Variants in DPYSL3 observed in about 807,000 individuals in gnomAD.
DPYSL3 encodes the protein dihydropyrimidinase like 3, also known as dihydropyrimidinase-related protein 3.
Under a neutral mutation model 66.1 loss-of-function variants are expected in DPYSL3, and 16 were observed. The observed-to-expected ratio is 0.24, with a 90% CI of 0.16 to 0.37. DPYSL3 has a LOEUF of 0.37. DPYSL3 is among the 10% of genes least tolerant of loss of function. DPYSL3 has a pLI of 1.00. For synonymous variants in DPYSL3, 338 were observed against 345.1 expected, an observed-to-expected ratio of 0.98 and a Z score of 0.23; for missense variants, 738 against 916.2, an observed-to-expected ratio of 0.81 and a Z score of 2.51.
chr5:147,413,777 C>A, intron 4 of DPYSL3, 120 bp from the exon 5 acceptor site: 1 of 754,416 alleles, frequency 1.3e-6, no homozygotes, highest in South Asian at 1.6e-5. Flanking sequence ...GGCTCCTGTC[C>A]AACATAAAGC....
intron 1 of DPYSL3, among the ~76,000 whole-genome samples, chr5:147,508,258 G>T: frequency 6.6e-6 from 1 of 152,158 alleles, no homozygotes. Flanking sequence ...GTAGTCAAAG[G>T]TTGGTTGGTT....
At chr5:147,502,701 C>T (rs1231192106) in intron 1 of DPYSL3, among the ~76,000 whole-genome samples, 1 of 151,586 alleles carries the variant, frequency 6.6e-6, no homozygotes, top group African/African-American at 2.4e-5. Context: ...CTCAGCCTCC[C>T]GAGTAGCTGG....
chr5:147,505,348 C>T (rs779277230), intron 1 of DPYSL3, among the ~76,000 whole-genome samples: 7 of 152,070 alleles, frequency 4.6e-5, no homozygotes, highest in Non-Finnish European at 8.8e-5. Context: ...GATTCTCCTG[C>T]CTCAGCCTCC....
intron 10 of DPYSL3, among the ~76,000 whole-genome samples, chr5:147,399,734 T>C (rs1464450793): frequency 6.6e-6 from 1 of 152,260 alleles, no homozygotes. Flanking sequence ...TGTGCTTGTC[T>C]GTAGTTTCCA....
chr5:147,473,239 T>C (rs1048381896), intron 1 of DPYSL3: 14 of 152,326 alleles, frequency 9.2e-5, no homozygotes, highest in African/African-American at 3.4e-4. Flanking sequence ...ATTTTGTCTC[T>C]GTATTTATCC....
At chr5:147,411,701 C>G (rs1297350159) in intron 6 of DPYSL3, among the ~76,000 whole-genome samples, 4 of 152,166 alleles carry the variant, frequency 2.6e-5, no homozygotes, top group African/African-American at 9.7e-5. Context: ...GAGGGGAGGC[C>G]TAGACATTGT....
Position 147,510,034 on chromosome 5 carries a change from A to G in DPYSL3, c.-176T>C. 1 of 1,098,732 alleles carries G rather than the reference A, an allele frequency of 9.1e-7. No homozygotes were observed. The highest frequency in any genetic ancestry group is 1.7e-5 in the South Asian group (1 of 57,278). The allele number at this position is 1,098,732 out of a possible 1,614,324, so 68.1% of individuals were successfully genotyped here. ...TGTCCCTAGCGAGCCAGCGAGCCAC[A>G]CAGCCAGCTAGCGCGCGGAGCAGGG... On this transcript the variant is annotated 5_prime_UTR_variant, in exon 1 of 14. Transcript: ENST00000343218.
chr5:147,486,770 T>C (rs1354662053), intron 1 of DPYSL3, among the ~76,000 whole-genome samples: 2 of 152,236 alleles, frequency 1.3e-5, no homozygotes, highest in African/African-American at 2.4e-5. Flanking sequence ...CCACTGACTA[T>C]CAGTGAATAC....
intron 1 of DPYSL3, among the ~76,000 whole-genome samples, chr5:147,434,802 A>G (rs934912746): frequency 6.6e-6 from 1 of 152,192 alleles, no homozygotes; most frequent in Non-Finnish European, 1.5e-5. Context: ...AGTGGCTCAG[A>G]GCAGTGAAAC....
chr5:147,448,232 G>A (rs1236981428), intron 1 of DPYSL3, among the ~76,000 whole-genome samples: 6 of 152,148 alleles, frequency 3.9e-5, no homozygotes, highest in East Asian at 1.9e-4. Context: ...AGGCTAGAAG[G>A]TGATCAGGAC....
intron 4 of DPYSL3, among the ~76,000 whole-genome samples, chr5:147,415,034 A>G (rs1159072018): frequency 1.3e-5 from 2 of 151,596 alleles, no homozygotes; most frequent in South Asian, 4.2e-4. Context: ...TGTGGGGGGG[A>G]GGGGTTTGCA....
intron 1 of DPYSL3, among the ~76,000 whole-genome samples, chr5:147,461,739 G>A (rs914910106): frequency 6.6e-6 from 1 of 152,128 alleles, no homozygotes; most frequent in Non-Finnish European, 1.5e-5. Flanking sequence ...GTACTGAGTG[G>A]ACTCTTGGTC....
chr5:147,415,968 AATCTCT>A, intron 3 of DPYSL3, 95 bp from the exon 4 acceptor site: 1 of 1,364,888 alleles, frequency 7.3e-7, no homozygotes, highest in Non-Finnish European at 1.0e-6. Flanking sequence ...GTGACTGCAG[AATCTCT>A]ATTTCCTGAG....
Position 147,468,269 on chromosome 5 carries a change from C to T in DPYSL3, c.381+41209G>A, listed in dbSNP as rs1344164455. On this transcript the variant is annotated intron_variant, in intron 1 of 13. Transcript: ENST00000343218. ...AATTAAAATTAAAGTTAAAAGCAGG[C>T]ACTACTTTCTTTTTCCAAGCAGGAG... 3.9e-5 allele frequency among the ~76,000 whole-genome samples: 6 copies of T among 152,120 alleles called. No individual in the cohort carries two copies. In the East Asian group the frequency reaches 1.2e-3, roughly 29 times the overall value.
chr5:147,438,124 A>G (rs1412259057), intron 1 of DPYSL3, among the ~76,000 whole-genome samples: 3 of 152,178 alleles, frequency 2.0e-5, no homozygotes, highest in Non-Finnish European at 2.9e-5. Context: ...CTTCTTGACA[A>G]AGCAGACAAT....
intron 2 of DPYSL3, 22 bp downstream of exon 2, chr5:147,424,853 G>T: frequency 6.4e-7 from 1 of 1,550,836 alleles, no homozygotes; most frequent in South Asian, 1.2e-5. Context: ...AAACAATAAA[G>T]AGAAGAATTC....
At chr5:147,453,746 C>T (rs1752791285) in intron 1 of DPYSL3, 25 of 1,318,066 alleles carry the variant, frequency 1.9e-5, no homozygotes, top group Admixed American at 3.9e-5. Context: ...TCCCGGGCTC[C>T]CGCGGCGGCT....
intron 1 of DPYSL3, among the ~76,000 whole-genome samples, chr5:147,435,749 G>A (rs1380968667): frequency 6.6e-6 from 1 of 152,278 alleles, no homozygotes; most frequent in South Asian, 2.1e-4. Context: ...AATAAGAAAA[G>A]ACCTTTAGCA....
intron 1 of DPYSL3, among the ~76,000 whole-genome samples, chr5:147,448,185 A>C (rs954332908): frequency 1.3e-5 from 2 of 152,044 alleles, no homozygotes; most frequent in Non-Finnish European, 2.9e-5. Flanking sequence ...AGTTATGAAG[A>C]AACAGCTGAA....
Sources: gnomAD v4.1 joint callset for allele counts (sites outside exome capture counted in the v4.1 genomes callset) on GRCh38, gnomAD v4.1.1 for gene constraint, MANE v1.5 for transcripts, NCBI Gene and HGNC (gene_info 2026-07-23, HGNC 2026-07-21) for gene names.